NMBR: variants seen among roughly 807,000 people sequenced by gnomAD.
NMBR encodes the protein neuromedin B receptor.
Under a neutral mutation model 20.5 loss-of-function variants are expected in NMBR, and 16 were observed. The observed-to-expected ratio is 0.78, with a 90% CI of 0.53 to 1.19. The LOEUF (loss-of-function observed/expected upper bound fraction) is 1.19, where lower values mean the gene tolerates loss of function less well. Ranked by LOEUF, NMBR falls within the 50% of genes most tolerant of loss-of-function variation. The probability of loss-of-function intolerance (pLI) is 0.00; values close to 1 mark genes in which losing one functional copy is unlikely to be tolerated. For synonymous variants in NMBR, 212 were observed against 196.6 expected (o/e 1.08, Z -0.65); for missense variants, 582 against 499.1 (o/e 1.17, Z -1.58).
At chr6:142,094,961 A>G (rs1001473628) in intron 1 of NMBR, among the ~76,000 whole-genome samples, 3 of 151,986 alleles carry the variant, frequency 2.0e-5, no homozygotes, top group Non-Finnish European at 2.9e-5. Flanking sequence ...TTTGTCTGTT[A>G]TTGGTGTATA....
chr6:142,104,512 G>A (rs1305525106), intron 1 of NMBR, among the ~76,000 whole-genome samples: 1 of 152,142 alleles, frequency 6.6e-6, no homozygotes, highest in African/African-American at 2.4e-5. Context: ...TTTGATTTTG[G>A]AAAGCTTGTC....
intron 1 of NMBR, among the ~76,000 whole-genome samples, chr6:142,119,878 G>T (rs1777915348): frequency 6.6e-6 from 1 of 151,694 alleles, no homozygotes; most frequent in Non-Finnish European, 1.5e-5. Flanking sequence ...GAAATCTGTT[G>T]GCTTCATTTT....
chr6:142,141,228 A>G (rs1431143841), intron 1 of NMBR, among the ~76,000 whole-genome samples: 1 of 152,204 alleles, frequency 6.6e-6, no homozygotes. Context: ...GTCTCTGGTC[A>G]CAATGGAATT....
intron 1 of NMBR, among the ~76,000 whole-genome samples, chr6:142,138,488 A>G (rs1778310614): frequency 6.6e-6 from 1 of 152,198 alleles, no homozygotes; most frequent in Non-Finnish European, 1.5e-5. Flanking sequence ...CGTGAGCTAT[A>G]AAATCATACT....
intron 1 of NMBR, among the ~76,000 whole-genome samples, chr6:142,126,057 C>T (rs536147194): frequency 2.6e-5 from 4 of 151,982 alleles, no homozygotes; most frequent in Admixed American, 2.6e-4. Context: ...TTCCCACTCC[C>T]CACTAGCTTC....
chr6:142,097,496 C>T (rs1376664233), intron 1 of NMBR, among the ~76,000 whole-genome samples: 5 of 152,048 alleles, frequency 3.3e-5, no homozygotes, highest in Admixed American at 2.6e-4. Flanking sequence ...AATCATAAGT[C>T]AAATCATTGT....
At chr6:142,119,005 C>T (rs532032751) in intron 1 of NMBR, among the ~76,000 whole-genome samples, 1 of 152,116 alleles carries the variant, frequency 6.6e-6, no homozygotes, top group Non-Finnish European at 1.5e-5. Flanking sequence ...AACAGAAACA[C>T]CTGCAATGTC....
intron 1 of NMBR, among the ~76,000 whole-genome samples, chr6:142,090,935 C>T (rs1435231657): frequency 6.6e-6 from 1 of 151,918 alleles, no homozygotes; most frequent in Non-Finnish European, 1.5e-5. Flanking sequence ...AGTCTAAAAG[C>T]TGGATTAATA....
chr6:142,130,056 G>T (rs1329966292), intron 1 of NMBR, among the ~76,000 whole-genome samples: 1 of 152,018 alleles, frequency 6.6e-6, no homozygotes, highest in Non-Finnish European at 1.5e-5. Context: ...TCTCTGCTTG[G>T]CCTTTGCTCT....
rs182425457 is a variant in NMBR, at chr6:142,145,413, G to C, written c.-664+1631C>G. Among the ~76,000 whole-genome samples, 100 of 152,328 alleles carry C rather than the reference G, an allele frequency of 6.6e-4. 1 individual carries two copies. The East Asian group carries it at 0.018, about 28-fold the overall frequency. ...GAAACCAAAATACCTAGATTTTAAT[G>C]TGGAATACTCATCCTTCCTGGCTGT... is the stretch of plus-strand genomic sequence containing the variant. On this transcript the variant is annotated intron_variant, in intron 1 of 3. Transcript: ENST00000258042.
intron 1 of NMBR, among the ~76,000 whole-genome samples, chr6:142,102,308 TGAACCCG>T (rs1777579669): frequency 6.7e-6 from 1 of 149,418 alleles, no homozygotes. Context: ...GAGAATGGCA[TGAACCCG>T]GAAGGTGGAG....
chr6:142,101,499 C>T (rs1326831117), intron 1 of NMBR, among the ~76,000 whole-genome samples: 2 of 152,180 alleles, frequency 1.3e-5, no homozygotes, highest in East Asian at 3.9e-4. Context: ...ACAAGGACTT[C>T]AGATTATTTT....
chr6:142,110,122 T>C (rs1777735191), intron 1 of NMBR, among the ~76,000 whole-genome samples: 1 of 152,194 alleles, frequency 6.6e-6, no homozygotes, highest in Non-Finnish European at 1.5e-5. Context: ...ACATTGCTAG[T>C]GGAAATTTAA....
At chr6:142,108,765 T>C (rs1005568854) in intron 1 of NMBR, among the ~76,000 whole-genome samples, 3 of 152,122 alleles carry the variant, frequency 2.0e-5, no homozygotes, top group African/African-American at 7.2e-5. Context: ...CCAAATATCA[T>C]GTCCGCACAT....
intron 1 of NMBR, among the ~76,000 whole-genome samples, chr6:142,091,561 C>T (rs1777323883): frequency 6.6e-6 from 1 of 151,990 alleles, no homozygotes; most frequent in Non-Finnish European, 1.5e-5. Flanking sequence ...ATGTCATATA[C>T]CATATTAGGT....
intron 1 of NMBR, among the ~76,000 whole-genome samples, chr6:142,099,310 T>A (rs1272392371): frequency 6.6e-6 from 1 of 152,114 alleles, no homozygotes. Flanking sequence ...AAAGAAAAGA[T>A]GTTTAATTGA....
At chr6:142,126,073 A>G (rs1778031629) in intron 1 of NMBR, among the ~76,000 whole-genome samples, 1 of 151,850 alleles carries the variant, frequency 6.6e-6, no homozygotes, top group South Asian at 2.1e-4. Context: ...GCTTCTGGCA[A>G]TCACCATTCT....
chr6:142,088,108 C>G, intron 2 of NMBR, 129 bp downstream of exon 2: 1 of 825,958 alleles, frequency 1.2e-6, no homozygotes, highest in Non-Finnish European at 1.9e-6. Flanking sequence ...CACACTCTCT[C>G]CCTCTCTTCC....
At chr6:142,095,663 T>G (rs550939394) in intron 1 of NMBR, among the ~76,000 whole-genome samples, 18 of 152,226 alleles carry the variant, frequency 1.2e-4, no homozygotes, top group Non-Finnish European at 7.3e-5. Context: ...GATGCTGGCC[T>G]CATAAAATGA....
Sources: gnomAD v4.1 joint callset for allele counts (sites outside exome capture counted in the v4.1 genomes callset) on GRCh38, gnomAD v4.1.1 for gene constraint, MANE v1.5 for transcripts, NCBI Gene and HGNC (gene_info 2026-07-23, HGNC 2026-07-21) for gene names.